GLRA2: variants seen among roughly 807,000 people sequenced by gnomAD.
GLRA2 encodes glycine receptor alpha 2, also known as glycine receptor subunit alpha-2.
A neutral mutation model predicts 31.6 loss-of-function variants in GLRA2; 11 were observed. The ratio of observed to expected loss-of-function variants is 0.35; its 90% CI spans 0.22 to 0.58. The LOEUF is 0.58. Among genes scored for constraint, GLRA2 ranks in the 20% least tolerant of loss-of-function variants. GLRA2 has a pLI of 0.84. For missense variants in GLRA2, 212 were observed against 351.8 expected, an observed-to-expected ratio of 0.60 and a Z score of 3.18; for synonymous variants, 132 against 134.0, an observed-to-expected ratio of 0.99 and a Z score of 0.10.
At chrX:14,727,655 A>AT (rs2091943896) in intron 8 of GLRA2, among the ~76,000 whole-genome samples, 1 of 112,569 alleles carries the variant, frequency 8.9e-6, no homozygotes, top group Non-Finnish European at 1.9e-5. Context: ...GGCTTCACTT[A>AT]TTTAAAACTT....
At chrX:14,613,683 T>C (rs886230061) in intron 7 of GLRA2, among the ~76,000 whole-genome samples, 2 of 111,283 alleles carry the variant, frequency 1.8e-5, no homozygotes, top group African/African-American at 6.5e-5. Context: ...ACCAATCCCC[T>C]GTGGATACCA....
chrX:14,544,522 T>A (rs1486683187), intron 2 of GLRA2, among the ~76,000 whole-genome samples: 2 of 111,689 alleles, frequency 1.8e-5, no homozygotes, highest in African/African-American at 3.2e-5. Flanking sequence ...AATGAAATTT[T>A]AAAAATTTAA....
the GLRA2 span, among the ~76,000 whole-genome samples, chrX:14,497,033 A>C: frequency 1.8e-5 from 2 of 112,209 alleles, no homozygotes; most frequent in Non-Finnish European, 3.8e-5. Flanking sequence ...GGCCAGGAAA[A>C]AAACAAAAAA....
chrX:14,487,412 AAAAG>A, the GLRA2 span, among the ~76,000 whole-genome samples: 3 of 107,210 alleles, frequency 2.8e-5, no homozygotes, highest in Admixed American at 1.0e-4. Context: ...AAAAAAAAAA[AAAAG>A]GTTTCCAAAA....
chrX:14,520,555 A>G, the GLRA2 span, among the ~76,000 whole-genome samples: 1 of 112,346 alleles, frequency 8.9e-6, no homozygotes, highest in East Asian at 2.8e-4. Flanking sequence ...AACATTGAAC[A>G]CTAATAAGCA....
the GLRA2 span, among the ~76,000 whole-genome samples, chrX:14,456,688 C>G: frequency 8.9e-6 from 1 of 112,481 alleles, no homozygotes; most frequent in Non-Finnish European, 1.9e-5. Flanking sequence ...ATGACAAGAT[C>G]TCATTATTTT....
chrX:14,577,256 G>A (rs2089967705), intron 3 of GLRA2, among the ~76,000 whole-genome samples: 2 of 113,495 alleles, frequency 1.8e-5, no homozygotes, highest in Non-Finnish European at 3.7e-5. Context: ...GCAAATAGGT[G>A]TGGTTGTGTA....
At chrX:14,546,436 C>T (rs2089480229) in intron 2 of GLRA2, among the ~76,000 whole-genome samples, 1 of 111,267 alleles carries the variant, frequency 9.0e-6, no homozygotes, top group Admixed American at 9.6e-5. Context: ...TTATAACATG[C>T]AGGGCTTTCC....
At chrX:14,641,675 T>C (rs2090775652) in intron 7 of GLRA2, among the ~76,000 whole-genome samples, 1 of 111,516 alleles carries the variant, frequency 9.0e-6, no homozygotes, top group Non-Finnish European at 1.9e-5. Context: ...TCTTGGGGTG[T>C]CATATTAGGC....
At chrX:14,681,910 A>AATATATATATATATAT (rs1556060452) in intron 7 of GLRA2, among the ~76,000 whole-genome samples, 11 of 41,272 alleles carry the variant, frequency 2.7e-4, no homozygotes, top group African/African-American at 3.6e-4. Context: ...AAAAAAAAAA[A>AATATATATATATATAT]ATATATATAT....
chrX:14,458,195 A>G, the GLRA2 span, among the ~76,000 whole-genome samples: 1 of 111,225 alleles, frequency 9.0e-6, no homozygotes, highest in African/African-American at 3.3e-5. Flanking sequence ...TACAAAGGAC[A>G]TGAACTCATC....
rs188666104 is a variant in GLRA2 at position 14,583,654 on chromosome X, G to A, written c.494+2248G>A. 1.2e-4 allele frequency among the ~76,000 whole-genome samples: 13 copies of A among 111,885 alleles called. No individual in the cohort carries two copies. The Admixed American group carries it at 1.2e-3, about 11-fold the overall frequency. ...CTCAGGAGGCTAAGGCAGGAGAATC[G>A]CTTGAACCTGGGAGGCGGAGGTTGC... is the stretch of plus-strand genomic sequence containing the variant. On this transcript the variant is annotated intron_variant, in intron 4 of 8. Transcript: ENST00000218075.
At chrX:14,496,590 A>T in the GLRA2 span, among the ~76,000 whole-genome samples, 1 of 112,015 alleles carries the variant, frequency 8.9e-6, no homozygotes, top group Non-Finnish European at 1.9e-5. Flanking sequence ...CTAGCACTAA[A>T]TTATTGTAAA....
chrX:14,567,914 A>C (rs193062797), intron 2 of GLRA2, among the ~76,000 whole-genome samples: 1 of 112,538 alleles, frequency 8.9e-6, no homozygotes, highest in East Asian at 2.8e-4. Flanking sequence ...AAATAAGTTA[A>C]CCAAACATGT....
At chrX:14,450,696 A>G in the GLRA2 span, among the ~76,000 whole-genome samples, 3 of 111,430 alleles carry the variant, frequency 2.7e-5, no homozygotes, top group African/African-American at 9.8e-5. Context: ...CTGTGGGCCT[A>G]TTTTAGCATT....
At chrX:14,451,535 C>T in the GLRA2 span, among the ~76,000 whole-genome samples, 1 of 106,254 alleles carries the variant, frequency 9.4e-6, no homozygotes, top group Admixed American at 1.0e-4. Context: ...GAGGCTGAGG[C>T]AGGAGAATTG....
intron 7 of GLRA2, among the ~76,000 whole-genome samples, chrX:14,666,908 A>G (rs62586501): frequency 0.19 from 21,096 of 111,463 alleles, 1,560 homozygotes; most frequent in Middle Eastern, 0.25. Context: ...TCACCACTCT[A>G]ACTCAGCACT....
rs910571861 is a variant in GLRA2, at chrX:14,623,976, T to G, written c.930+14771T>G. Among the ~76,000 whole-genome samples, 3 of 111,497 alleles carry G rather than the reference T, an allele frequency of 2.7e-5. No individual in the cohort carries two copies. In the Admixed American group the frequency reaches 2.9e-4, roughly 11 times the overall value. The stretch of plus-strand genomic sequence containing the variant: ...AGAATTCGGCTGTGAATCCATCTGG[T>G]CCTGGACTTTTTTTGGTTAGTAGGC... On this transcript the variant is annotated intron_variant, in intron 7 of 8. Coordinates refer to ENST00000218075, the MANE Select transcript of GLRA2 (RefSeq NM_002063.4).
intron 3 of GLRA2, among the ~76,000 whole-genome samples, chrX:14,579,270 G>A (rs1317496577): frequency 1.8e-5 from 2 of 111,525 alleles, no homozygotes; most frequent in Non-Finnish European, 3.8e-5. Flanking sequence ...ATCAGGGATA[G>A]CAGGTAGCTA....
Sources: allele counts gnomAD v4.1 joint callset (sites outside exome capture counted in the v4.1 genomes callset), GRCh38; gene constraint gnomAD v4.1.1; transcripts MANE v1.5; gene names NCBI Gene and HGNC (gene_info 2026-07-23, HGNC 2026-07-21).